ATXN7L1: variants seen among roughly 807,000 people sequenced by gnomAD.
ATXN7L1 encodes ataxin-7-like protein 1.
In ATXN7L1, 15 loss-of-function variants were observed where a neutral mutation model predicts 70.8. That is an observed-to-expected ratio of 0.21 (90% confidence interval 0.14 to 0.33). ATXN7L1 has a LOEUF of 0.33. ATXN7L1 is among the 10% of genes least tolerant of loss of function. The pLI, the probability that ATXN7L1 is intolerant of heterozygous loss-of-function variation, is 1.00. For missense variants in ATXN7L1, 975 were observed against 1,097.1 expected (o/e 0.89, Z 1.57); for synonymous variants, 440 against 445.1 (o/e 0.99, Z 0.14).
At chr7:105,727,724 A>C (rs1208499684) in intron 3 of ATXN7L1, among the ~76,000 whole-genome samples, 1 of 101,320 alleles carries the variant, frequency 9.9e-6, no homozygotes, top group Non-Finnish European at 2.0e-5. Context: ...ATTTTTCCAT[A>C]GGGGTGTGTG....
At chr7:105,637,728 C>T (rs62487032) in intron 7 of ATXN7L1, among the ~76,000 whole-genome samples, 1,995 of 152,250 alleles carry the variant, frequency 0.013, 21 homozygotes, top group Non-Finnish European at 0.022. Flanking sequence ...TCATTTCTGT[C>T]CAGGACAACC....
chr7:105,655,564 G>T (rs756520889), intron 4 of ATXN7L1, among the ~76,000 whole-genome samples: 2 of 152,078 alleles, frequency 1.3e-5, no homozygotes, highest in Non-Finnish European at 2.9e-5. Context: ...AGTGTCTGCG[G>T]CTCCTTGGGT....
intron 2 of ATXN7L1, among the ~76,000 whole-genome samples, chr7:105,829,903 G>A (rs1393098748): frequency 6.6e-6 from 1 of 152,208 alleles, no homozygotes; most frequent in Non-Finnish European, 1.5e-5. Context: ...GTGCAAATCA[G>A]GTTTTCTAAA....
chr7:105,628,263 T>A (rs1796036584), intron 7 of ATXN7L1, among the ~76,000 whole-genome samples: 2 of 152,144 alleles, frequency 1.3e-5, no homozygotes, highest in South Asian at 4.1e-4. Flanking sequence ...TTGCAAAATA[T>A]TAATAAGTAA....
chr7:105,745,749 C>T (rs570879519), intron 3 of ATXN7L1, among the ~76,000 whole-genome samples: 1 of 152,324 alleles, frequency 6.6e-6, no homozygotes, highest in African/African-American at 2.4e-5. Context: ...CCCGGTCTTA[C>T]TCTCTGTTTA....
rs1053368487 is a variant in ATXN7L1, at chr7:105,791,433, T to C, written c.251-2725A>G. ...AGAGGCTGAGACAAGAGCCCGAACCTGGGCCCAGCCAACACCCTGTGGGCA... is the reference window on the plus strand; with the variant it reads ...AGAGGCTGAGACAAGAGCCCGAACCCGGGCCCAGCCAACACCCTGTGGGCA... On this transcript the variant is annotated intron_variant, in intron 2 of 11. Transcript: ENST00000419735. 3.9e-5 allele frequency among the ~76,000 whole-genome samples: 6 copies of C among 152,314 alleles called. No individual in the cohort carries two copies. The South Asian group carries it at 1.2e-3, about 32-fold the overall frequency.
At chr7:105,843,932 A>G (rs1813591275) in intron 2 of ATXN7L1, among the ~76,000 whole-genome samples, 1 of 152,240 alleles carries the variant, frequency 6.6e-6, no homozygotes, top group Admixed American at 6.5e-5. Flanking sequence ...TCAACTGGGC[A>G]GTTTTCCCTT....
At chr7:105,624,018 T>G in intron 8 of ATXN7L1, 57 bp downstream of exon 8, 1 of 1,328,102 alleles carries the variant, frequency 7.5e-7, no homozygotes, top group African/African-American at 1.5e-5. Context: ...TATGATCACC[T>G]AAGTGTCTGC....
intron 8 of ATXN7L1, among the ~76,000 whole-genome samples, chr7:105,621,396 T>C (rs546925631): frequency 1.4e-4 from 22 of 152,206 alleles, no homozygotes; most frequent in Non-Finnish European, 2.9e-4. Flanking sequence ...TGTTTTACGT[T>C]ATACACAGGA....
At chr7:105,613,677 A>G in intron 10 of ATXN7L1, 185 bp downstream of exon 10, 1 of 1,455,090 alleles carries the variant, frequency 6.9e-7, no homozygotes, top group East Asian at 2.5e-5. Context: ...GCACATAGTG[A>G]GCGTGGTATC....
intron 3 of ATXN7L1, among the ~76,000 whole-genome samples, chr7:105,698,501 A>T (rs1393598881): frequency 6.6e-6 from 1 of 152,130 alleles, no homozygotes; most frequent in Non-Finnish European, 1.5e-5. Context: ...AGTAGCTGGG[A>T]CCACAGGCAT....
chr7:105,679,007 C>A (rs1020801407), intron 3 of ATXN7L1: 2 of 923,900 alleles, frequency 2.2e-6, no homozygotes, highest in Non-Finnish European at 2.6e-6. Context: ...TGCGCCCAGC[C>A]CCACGCCGTC....
intron 3 of ATXN7L1, among the ~76,000 whole-genome samples, chr7:105,702,545 AACACACACACACACACACAGACACACAT>A (rs1232412244): frequency 2.0e-5 from 3 of 150,062 alleles, no homozygotes; most frequent in African/African-American, 4.9e-5. Flanking sequence ...ACAGACCCAC[AACACACACACACACACACAGACACACAT>A]ACACACACAC....
chr7:105,675,596 G>A (rs1177859515), intron 3 of ATXN7L1, among the ~76,000 whole-genome samples: 2 of 151,734 alleles, frequency 1.3e-5, no homozygotes, highest in Non-Finnish European at 2.9e-5. Context: ...CTGCACTCTA[G>A]CCTGGTGACA....
intron 3 of ATXN7L1, among the ~76,000 whole-genome samples, chr7:105,746,116 A>G (rs1798557680): frequency 6.6e-6 from 1 of 152,070 alleles, no homozygotes; most frequent in African/African-American, 2.4e-5. Flanking sequence ...CTATTTTCCA[A>G]ACATATTCAG....
At chr7:105,761,222 C>G (rs1800491509) in intron 3 of ATXN7L1, 2 of 1,461,620 alleles carry the variant, frequency 1.4e-6, no homozygotes, top group East Asian at 4.9e-5. Context: ...TTACTAGATC[C>G]TGACACCAGA....
At chr7:105,617,745 A>G (rs931655516) in intron 9 of ATXN7L1, 1 of 357,278 alleles carries the variant, frequency 2.8e-6, no homozygotes, top group Non-Finnish European at 5.6e-6. Flanking sequence ...AATTACTGAC[A>G]GTGCCCAACC....
chr7:105,733,541 C>T (rs200778073), intron 3 of ATXN7L1, among the ~76,000 whole-genome samples: 513 of 21,228 alleles, frequency 0.024, 19 homozygotes, highest in East Asian at 0.044. Flanking sequence ...CATCCATCCA[C>T]CCATCCATCC....
chr7:105,655,154 A>G (rs1011098668), intron 4 of ATXN7L1, among the ~76,000 whole-genome samples: 1 of 152,134 alleles, frequency 6.6e-6, no homozygotes, highest in South Asian at 2.1e-4. Flanking sequence ...GGCTGCATTT[A>G]CACCCAAGGA....
Sources: allele counts gnomAD v4.1 joint callset (sites outside exome capture counted in the v4.1 genomes callset), GRCh38; gene constraint gnomAD v4.1.1; transcripts MANE v1.5; gene names NCBI Gene and HGNC (gene_info 2026-07-23, HGNC 2026-07-21).